The following DRC11 variants were observed in gnomAD, a reference collection of about 807,000 sequenced individuals.
The protein encoded by DRC11 is dynein regulatory complex subunit 11, also known as IQ and AAA domain-containing protein 1.
the DRC11 span, among the ~76,000 whole-genome samples, chr2:236,404,492 C>T: frequency 3.3e-5 from 5 of 152,182 alleles, no homozygotes; most frequent in South Asian, 2.1e-4. Context: ...CCAGATTATT[C>T]GCCCTCCTGG....
chr2:236,368,021 C>T, the DRC11 span: 1 of 648,268 alleles, frequency 1.5e-6, no homozygotes. Context: ...CCTGGTAGTA[C>T]TTTGTGTGCT....
chr2:236,493,474 T>C, the DRC11 span, among the ~76,000 whole-genome samples: 1 of 152,224 alleles, frequency 6.6e-6, no homozygotes, highest in East Asian at 1.9e-4. Flanking sequence ...TTCAGCTAGA[T>C]GAATTTGAGA....
At chr2:236,410,842 T>C in the DRC11 span, among the ~76,000 whole-genome samples, 2 of 146,600 alleles carry the variant, frequency 1.4e-5, no homozygotes, top group Admixed American at 6.8e-5. Flanking sequence ...TGGCTAGCCA[T>C]ATGTAGAAAG....
the DRC11 span, among the ~76,000 whole-genome samples, chr2:236,416,749 ATATATATATATATATATAT>A: frequency 1.9e-4 from 11 of 57,876 alleles, no homozygotes; most frequent in African/African-American, 5.8e-4. Context: ...ATATATATAT[ATATATATATATATATATAT>A]AAATAATTTT....
the DRC11 span, among the ~76,000 whole-genome samples, chr2:236,426,723 T>C: frequency 6.6e-6 from 1 of 152,186 alleles, no homozygotes; most frequent in Non-Finnish European, 1.5e-5. This position sits in a 1 kb window ranked among gnomAD's most constrained non-coding sequence, Gnocchi z 4.1. Context: ...TTTTTCTATA[T>C]GCAAGATCAA....
chr2:236,416,115 C>A, the DRC11 span, among the ~76,000 whole-genome samples: 2 of 152,012 alleles, frequency 1.3e-5, no homozygotes, highest in East Asian at 3.9e-4. Flanking sequence ...ACTGGGAACA[C>A]CACCCAGAAG....
the DRC11 span, among the ~76,000 whole-genome samples, chr2:236,433,661 CTTTAG>C: frequency 2.2e-3 from 332 of 152,152 alleles, 1 homozygote; most frequent in African/African-American, 7.5e-3. Flanking sequence ...CTTTTTTGCT[CTTTAG>C]TTTATTCTCT....
At chr2:236,399,350 C>T in the DRC11 span, 11 of 1,300,030 alleles carry the variant, frequency 8.5e-6, no homozygotes, top group Non-Finnish European at 1.2e-5. The surrounding 1 kb of genome is among the most constrained non-coding windows in gnomAD (Gnocchi z 7.0). Flanking sequence ...CAGCAGCCTC[C>T]CGTGATGGGG....
the DRC11 span, among the ~76,000 whole-genome samples, chr2:236,487,335 T>C: frequency 6.6e-6 from 1 of 152,198 alleles, no homozygotes; most frequent in Non-Finnish European, 1.5e-5. Context: ...CAGACTCTTA[T>C]CCATCCTTCC....
At chr2:236,446,630 A>G in the DRC11 span, among the ~76,000 whole-genome samples, 1 of 152,140 alleles carries the variant, frequency 6.6e-6, no homozygotes, top group East Asian at 1.9e-4. This position sits in a 1 kb window ranked among gnomAD's most constrained non-coding sequence, Gnocchi z 6.2. Flanking sequence ...ACACATGTTC[A>G]CCAACCGTGG....
the DRC11 span, among the ~76,000 whole-genome samples, chr2:236,352,784 C>T: frequency 1.1e-4 from 17 of 152,300 alleles, no homozygotes; most frequent in South Asian, 1.9e-3. The surrounding 1 kb of genome is among the most constrained non-coding windows in gnomAD (Gnocchi z 7.0). Context: ...ACCAGCATTA[C>T]GGTTCTAATT....
chr2:236,363,825 G>GT, the DRC11 span: 1 of 1,613,894 alleles, frequency 6.2e-7, no homozygotes, highest in Non-Finnish European at 8.5e-7. This position sits in a 1 kb window ranked among gnomAD's most constrained non-coding sequence, Gnocchi z 5.6. Flanking sequence ...TTTTGCCAGG[G>GT]TATTTCCCAG....
At chr2:236,497,473 ATCT>A in the DRC11 span, 3 of 1,607,210 alleles carry the variant, frequency 1.9e-6, no homozygotes, top group Non-Finnish European at 2.6e-6. This position sits in a 1 kb window ranked among gnomAD's most constrained non-coding sequence, Gnocchi z 5.1. Flanking sequence ...CTGATGCCAC[ATCT>A]TATTATACAT....
the DRC11 span, among the ~76,000 whole-genome samples, chr2:236,307,884 C>T: frequency 1.3e-5 from 2 of 152,352 alleles, no homozygotes; most frequent in African/African-American, 2.4e-5. The surrounding 1 kb of genome is among the most constrained non-coding windows in gnomAD (Gnocchi z 7.0). Flanking sequence ...CTTTTAAATG[C>T]ACAGTGACAC....
At chr2:236,430,777 G>T in the DRC11 span, among the ~76,000 whole-genome samples, 1 of 152,184 alleles carries the variant, frequency 6.6e-6, no homozygotes, top group Non-Finnish European at 1.5e-5. The surrounding 1 kb of genome is among the most constrained non-coding windows in gnomAD (Gnocchi z 6.0). Context: ...TTACCCTTCT[G>T]CCAGCAGTGT....
At chr2:236,410,267 A>T in the DRC11 span, among the ~76,000 whole-genome samples, 1 of 151,700 alleles carries the variant, frequency 6.6e-6, no homozygotes, top group Non-Finnish European at 1.5e-5. Context: ...TAAGCTATTG[A>T]TTATTGCCAC....
At chr2:236,319,551 G>GT in the DRC11 span, among the ~76,000 whole-genome samples, 1 of 152,210 alleles carries the variant, frequency 6.6e-6, no homozygotes, top group Non-Finnish European at 1.5e-5. This position sits in a 1 kb window ranked among gnomAD's most constrained non-coding sequence, Gnocchi z 6.7. Flanking sequence ...CTTGGGAACT[G>GT]TGACAGTCAC....
At chr2:236,443,118 G>GA in the DRC11 span, among the ~76,000 whole-genome samples, 1 of 152,122 alleles carries the variant, frequency 6.6e-6, no homozygotes, top group African/African-American at 2.4e-5. This position sits in a 1 kb window ranked among gnomAD's most constrained non-coding sequence, Gnocchi z 4.4. Flanking sequence ...GGTCAAGTCT[G>GA]AATAATATTA....
chr2:236,339,173 C>T, the DRC11 span, among the ~76,000 whole-genome samples: 2 of 152,234 alleles, frequency 1.3e-5, no homozygotes, highest in South Asian at 4.1e-4. Context: ...GATGTTCCTG[C>T]GTCTTTTCAT....
Sources: allele counts gnomAD v4.1 joint callset (sites outside exome capture counted in the v4.1 genomes callset), GRCh38; gene constraint gnomAD v4.1.1; non-coding constraint Gnocchi (gnomAD v3.1); transcripts MANE v1.5; gene names NCBI Gene and HGNC (gene_info 2026-07-23, HGNC 2026-07-21).